Variants in MLKL observed in about 807,000 individuals in gnomAD.
The protein encoded by MLKL is mixed lineage kinase domain-like protein.
In MLKL, 55 loss-of-function variants were observed where a neutral mutation model predicts 56.5. The ratio of observed to expected loss-of-function variants is 0.97; its 90% CI spans 0.78 to 1.22. MLKL has a LOEUF of 1.22. Among genes scored for constraint, MLKL ranks in the 50% most tolerant of loss-of-function variants. MLKL has a pLI of 0.00. For missense variants in MLKL, 694 were observed against 573.9 expected, an observed-to-expected ratio of 1.21 and a Z score of -2.14; for synonymous variants, 251 against 208.3, an observed-to-expected ratio of 1.20 and a Z score of -1.76.
Position 74,675,694 on chromosome 16 carries a change from C to G in MLKL, c.1109G>C (p.Arg370Thr). 1.3e-6 allele frequency: 2 copies of G among 1,596,514 alleles called. No individual in the cohort carries two copies. The highest frequency in any genetic ancestry group is 1.7e-6 in the Non-Finnish European group (2 of 1,163,268). ...TGAGAGATATGCTGTAGATTTGACT[C>G]TGTCTGTCTTTTCTCTCGTAGTTCC... Reference protein sequence around the residue: ...SLGTTREKTDRVKSTAYLSPQ... With the variant: ...SLGTTREKTDTVKSTAYLSPQ... Residue 370 changes from arginine to threonine, a missense_variant, in exon 8 of 11, where the codon AGA (arginine) becomes ACA (threonine). Coordinates refer to ENST00000308807, the MANE Select transcript of MLKL (RefSeq NM_152649.4).
Position 74,675,393 on chromosome 16 carries a change from A to T in MLKL, c.1202T>A (p.Val401Asp). ...VKSEIYSFGIVLWEIATGDIP... is the reference protein window; with the variant it reads ...VKSEIYSFGIDLWEIATGDIP... ...ATCTCCAGTGGCGATTTCCCAGAGG[A>T]CGATTCCAAAGCTAAAAGAAAACCA... The change falls in exon 9 of 11, where the codon GTC (valine) becomes GAC (aspartate). Residue 401 changes from valine (V) to aspartate (D), a missense_variant. Val to Asp is a radical substitution (Grantham distance 152, BLOSUM62 -3). Coordinates refer to ENST00000308807, the MANE Select transcript of MLKL (RefSeq NM_152649.4). 1.2e-6 allele frequency: 2 copies of T among 1,613,984 alleles called. No individual in the cohort carries two copies. The highest frequency in any genetic ancestry group is 1.7e-6 in the Non-Finnish European group (2 of 1,180,034).
intron 2 of MLKL, among the ~76,000 whole-genome samples, chr16:74,694,096 A>G (rs900882701): frequency 2.6e-4 from 39 of 152,190 alleles, no homozygotes; most frequent in African/African-American, 8.9e-4. Flanking sequence ...GATATTTAAG[A>G]TTATTTAATG....
chr16:74,685,405 T>C (rs1567609343), intron 5 of MLKL, 81 bp downstream of exon 5: 5 of 1,046,074 alleles, frequency 4.8e-6, no homozygotes, highest in Non-Finnish European at 7.3e-6. Context: ...TGATGTTCTT[T>C]AAAAAAATGC....
At chr16:74,682,809 T>C (rs1447198226) in intron 5 of MLKL, 23 bp from the exon 6 acceptor site, 2 of 1,613,320 alleles carry the variant, frequency 1.2e-6, no homozygotes, top group Non-Finnish European at 1.7e-6. Flanking sequence ...AGCCAGACAC[T>C]ATGAGGACCC....
chr16:74,681,489 T>C (rs887564095), intron 6 of MLKL, among the ~76,000 whole-genome samples: 1 of 151,326 alleles, frequency 6.6e-6, no homozygotes, highest in Non-Finnish European at 1.5e-5. Context: ...ATAGGTAGAG[T>C]TGCCAAATAA....
At chr16:74,684,140 G>T (rs554317338) in intron 5 of MLKL, among the ~76,000 whole-genome samples, 1 of 151,894 alleles carries the variant, frequency 6.6e-6, no homozygotes, top group African/African-American at 2.4e-5. Context: ...TAGAGACAGG[G>T]TTTTATCATG....
intron 1 of MLKL, among the ~76,000 whole-genome samples, chr16:74,699,484 T>A (rs1961250290): frequency 6.6e-6 from 1 of 152,192 alleles, no homozygotes; most frequent in South Asian, 2.1e-4. Context: ...AAGTATATGA[T>A]CTACAAGGGA....
At position 74,695,419 on chromosome 16, in the gene MLKL, C is replaced by T. The variant is rs538740865; in HGVS notation, c.339G>A (p.Ser113=). 323 of 1,614,196 alleles carry T rather than the reference C, an allele frequency of 2.0e-4. No homozygotes were observed. The highest frequency in any genetic ancestry group is 4.9e-4 in the Middle Eastern group (3 of 6,062). ...RKLSDVWKEL[S]LLLQVEQRMP... ...TGCGTTGCTCAACCTGAAGTAACAG[C>T]GAGAGCTCCTTCCAGACATCACTCA... is the stretch of plus-strand genomic sequence containing the variant. Residue 113 remains serine, a synonymous_variant, in exon 2 of 11, where the codon TCG becomes TCA. Transcript: ENST00000308807.
chr16:74,698,633 C>T (rs778592500), intron 1 of MLKL, among the ~76,000 whole-genome samples: 2 of 152,166 alleles, frequency 1.3e-5, no homozygotes, highest in Non-Finnish European at 2.9e-5. Context: ...GCAAATGTGG[C>T]AATGTTGTTC....
chr16:74,686,393 G>C (rs59102630), intron 4 of MLKL, among the ~76,000 whole-genome samples: 1 of 152,072 alleles, frequency 6.6e-6, no homozygotes, highest in Non-Finnish European at 1.5e-5. Context: ...CAATCCTGCC[G>C]AACATGGTGA....
chr16:74,689,736 T>C (rs550281800), intron 4 of MLKL, among the ~76,000 whole-genome samples: 4 of 152,170 alleles, frequency 2.6e-5, no homozygotes, highest in Non-Finnish European at 5.9e-5. Flanking sequence ...GTCAGATCTA[T>C]GTCTATATAA....
chr16:74,685,595 A>G lies in MLKL; in HGVS notation c.723-12T>C, dbSNP rs554370398. Reference sequence around the variant, plus strand: ...TCTGCCTCACTATTCTATAAGGATTAAAGAGAGAAATCAGGATTTCAGAAC... The same window carrying G: ...TCTGCCTCACTATTCTATAAGGATTGAAGAGAGAAATCAGGATTTCAGAAC... On this transcript the variant is annotated splice_polypyrimidine_tract_variant and intron_variant, in intron 4 of 10. Transcript: ENST00000308807. The G allele has an allele frequency of 4.1e-4, 652 of 1,602,326 alleles. 15 individuals are homozygous for G. The South Asian group carries it at 5.4e-3, about 13-fold the overall frequency.
rs1037114078 is a variant in MLKL, at chr16:74,679,153, A to G, written c.957-173T>C. On this transcript the variant is annotated intron_variant, in intron 6 of 10. Transcript: ENST00000308807. Reference sequence around the variant, plus strand: ...TTTGAGAATCACAAGCCGTGAGTATAGAACAGAGATGAGATTCATAGCACA... The same window carrying G: ...TTTGAGAATCACAAGCCGTGAGTATGGAACAGAGATGAGATTCATAGCACA... Among the ~76,000 whole-genome samples, 10 of 152,312 alleles carry G rather than the reference A, an allele frequency of 6.6e-5. No homozygotes were observed. The Middle Eastern group carries it at 0.01, about 155-fold the overall frequency.
At chr16:74,678,697 C>A (rs1383488626) in intron 7 of MLKL, among the ~76,000 whole-genome samples, 2 of 152,152 alleles carry the variant, frequency 1.3e-5, no homozygotes, top group African/African-American at 4.8e-5. Context: ...GCAGGAGAAT[C>A]GCTTGAACCT....
chr16:74,680,576 A>G (rs999895266), intron 6 of MLKL, among the ~76,000 whole-genome samples: 3 of 151,884 alleles, frequency 2.0e-5, no homozygotes, highest in African/African-American at 4.8e-5. Flanking sequence ...GCACAATCTC[A>G]GCTCACTGCA....
intron 6 of MLKL, among the ~76,000 whole-genome samples, chr16:74,680,667 C>T (rs1429716836): frequency 6.6e-6 from 1 of 152,102 alleles, no homozygotes. Flanking sequence ...CCATCACGCC[C>T]AGCTAATTTT....
intron 10 of MLKL, 66 bp from the exon 11 acceptor site, chr16:74,672,604 G>T: frequency 6.9e-7 from 1 of 1,456,456 alleles, no homozygotes; most frequent in South Asian, 1.1e-5. Context: ...GAAACACAAA[G>T]ACATTTCTAC....
chr16:74,687,639 C>A (rs761099515), intron 4 of MLKL, among the ~76,000 whole-genome samples: 1 of 151,734 alleles, frequency 6.6e-6, no homozygotes, highest in East Asian at 1.9e-4. Context: ...ATTGGGGGTC[C>A]GGAAATAAAC....
At chr16:74,682,837 C>G in intron 5 of MLKL, 51 bp from the exon 6 acceptor site, 3 of 1,603,176 alleles carry the variant, frequency 1.9e-6, no homozygotes, top group Non-Finnish European at 2.6e-6. Flanking sequence ...TTGAAGCTTC[C>G]CATGTCTGCA....
Sources: gnomAD v4.1 joint callset for allele counts (sites outside exome capture counted in the v4.1 genomes callset) on GRCh38, gnomAD v4.1.1 for gene constraint, MANE v1.5 for transcripts, NCBI Gene and HGNC (gene_info 2026-07-23, HGNC 2026-07-21) for gene names.